Variants in MED27 observed in about 807,000 individuals in gnomAD.
The protein encoded by MED27 is mediator complex subunit 27.
In MED27, 30 loss-of-function variants were observed where a neutral mutation model predicts 38.2. That is an observed-to-expected ratio of 0.79 (90% confidence interval 0.59 to 1.07). The LOEUF is 1.07. Ranked by LOEUF, MED27 falls within the 50% of genes least tolerant of loss-of-function variation. The pLI is 0.00. For missense variants in MED27, 289 were observed against 397.5 expected (o/e 0.73, Z 2.32); for synonymous variants, 122 against 153.5 (o/e 0.79, Z 1.52).
intron 3 of MED27, among the ~76,000 whole-genome samples, chr9:131,940,921 T>C (rs771654745): frequency 3.3e-5 from 5 of 152,346 alleles, no homozygotes; most frequent in Admixed American, 2.0e-4. Context: ...ATTAAGGACT[T>C]AGCATGAGAA....
intron 3 of MED27, among the ~76,000 whole-genome samples, chr9:131,951,241 A>T (rs1000546129): frequency 1.1e-4 from 16 of 152,206 alleles, no homozygotes; most frequent in African/African-American, 3.9e-4. Context: ...TGCACACCAG[A>T]CAAGTGTCAT....
chr9:131,964,517 T>G (rs1228061745), intron 3 of MED27, among the ~76,000 whole-genome samples: 7 of 151,914 alleles, frequency 4.6e-5, no homozygotes, highest in Non-Finnish European at 1.0e-4. Context: ...AATGAAAATT[T>G]CAGCCACTAA....
At chr9:131,867,564 A>G (rs1414198209) in intron 6 of MED27, among the ~76,000 whole-genome samples, 2 of 152,224 alleles carry the variant, frequency 1.3e-5, no homozygotes, top group African/African-American at 4.8e-5. Flanking sequence ...CAGTGGTGGC[A>G]CAGCAAGTTC....
rs1830304566 is a variant in MED27, at chr9:131,917,054, A to G, written c.573+22327T>C. ...GGGTGCCATAGGCAGAAATGCAGGTACAAAGCATAAAAGCACCAGGCATGG... is the reference window on the plus strand; with the variant it reads ...GGGTGCCATAGGCAGAAATGCAGGTGCAAAGCATAAAAGCACCAGGCATGG... On this transcript the variant is annotated intron_variant, in intron 4 of 7. Coordinates refer to ENST00000292035, the MANE Select transcript of MED27 (RefSeq NM_004269.4). This position sits in a 1 kb window ranked among gnomAD's most constrained non-coding sequence, Gnocchi z 4.6. Among the ~76,000 whole-genome samples the G allele has an allele frequency of 6.6e-6, 1 of 152,230 alleles. No individual in the cohort carries two copies. Among genetic ancestry groups the G allele is most frequent in the South Asian group, 2.1e-4 (1 of 4,832 alleles).
At chr9:131,964,993 A>G (rs2131004286) in intron 3 of MED27, among the ~76,000 whole-genome samples, 1 of 152,344 alleles carries the variant, frequency 6.6e-6, no homozygotes, top group South Asian at 2.1e-4. Flanking sequence ...TACATTGTGT[A>G]TGCATTATGA....
At chr9:132,055,581 C>T (rs1390232725) in intron 2 of MED27, among the ~76,000 whole-genome samples, 3 of 152,176 alleles carry the variant, frequency 2.0e-5, no homozygotes, top group Admixed American at 6.5e-5. Flanking sequence ...ACACTGCAAA[C>T]CACAAATGAA....
At chr9:131,863,947 A>C (rs1299517328) in intron 6 of MED27, among the ~76,000 whole-genome samples, 1 of 152,130 alleles carries the variant, frequency 6.6e-6, no homozygotes, top group Non-Finnish European at 1.5e-5. Context: ...AAGCTCCAGC[A>C]CCACCCCCTG....
chr9:131,899,980 T>G (rs989084268), intron 4 of MED27, among the ~76,000 whole-genome samples: 1 of 152,232 alleles, frequency 6.6e-6, no homozygotes, highest in African/African-American at 2.4e-5. Flanking sequence ...GCAACTGCTA[T>G]AGGATACCAC....
intron 3 of MED27, among the ~76,000 whole-genome samples, chr9:131,976,825 T>A (rs1236822505): frequency 1.3e-5 from 2 of 152,204 alleles, no homozygotes; most frequent in African/African-American, 4.8e-5. Context: ...CTGTCTCTAA[T>A]CTACAACACT....
chr9:131,936,036 G>A (rs968216698), intron 4 of MED27, among the ~76,000 whole-genome samples: 4 of 151,892 alleles, frequency 2.6e-5, no homozygotes, highest in African/African-American at 9.7e-5. Flanking sequence ...AGGAGGCTGA[G>A]GTGGGAGGAT....
At chr9:131,924,757 C>T (rs920340771) in intron 4 of MED27, among the ~76,000 whole-genome samples, 1 of 152,142 alleles carries the variant, frequency 6.6e-6, no homozygotes, top group Non-Finnish European at 1.5e-5. Context: ...AGGGCTAGCT[C>T]CCTTGGTAGC....
intron 2 of MED27, among the ~76,000 whole-genome samples, chr9:132,076,829 C>T (rs532543705): frequency 6.6e-6 from 1 of 152,292 alleles, no homozygotes; most frequent in African/African-American, 2.4e-5. Context: ...TGTTATTTTT[C>T]AGCTACAGTT....
At chr9:131,990,682 T>C (rs947563627) in intron 3 of MED27, among the ~76,000 whole-genome samples, 3 of 152,166 alleles carry the variant, frequency 2.0e-5, no homozygotes, top group African/African-American at 7.2e-5. Flanking sequence ...CACCCTTGAC[T>C]CCATGCTCCA....
intron 3 of MED27, among the ~76,000 whole-genome samples, chr9:131,942,452 C>T (rs1473309437): frequency 2.0e-5 from 3 of 152,118 alleles, no homozygotes; most frequent in Non-Finnish European, 4.4e-5. Context: ...CAGTTTCTTC[C>T]GACTCAGCAG....
chr9:132,063,085 C>T lies in MED27; in HGVS notation c.348+14357G>A, dbSNP rs543316477. 2.6e-5 allele frequency among the ~76,000 whole-genome samples: 4 copies of T among 152,300 alleles called. No individual in the cohort carries two copies. In the East Asian group the frequency reaches 5.8e-4, roughly 22 times the overall value. ...GCCTGAAACAGGGTGGGAGTATTTG[C>T]TCATTCAGTTAGCAGCAAACTCATT... On this transcript the variant is annotated intron_variant, in intron 2 of 7. Coordinates refer to ENST00000292035, the MANE Select transcript of MED27 (RefSeq NM_004269.4).
intron 4 of MED27, among the ~76,000 whole-genome samples, chr9:131,900,454 T>A (rs766084849): frequency 6.6e-6 from 1 of 152,200 alleles, no homozygotes; most frequent in Non-Finnish European, 1.5e-5. Flanking sequence ...CTAACAAATC[T>A]GGTGGTTGAA....
At chr9:132,074,367 C>T (rs1014008694) in intron 2 of MED27, among the ~76,000 whole-genome samples, 15 of 152,122 alleles carry the variant, frequency 9.9e-5, no homozygotes, top group African/African-American at 3.6e-4. Context: ...TAGGCATGAA[C>T]GAGACTTTTC....
At chr9:132,079,444 CAGG>C (rs1379472322) in intron 1 of MED27, among the ~76,000 whole-genome samples, 195 bp downstream of exon 1, 8 of 152,076 alleles carry the variant, frequency 5.3e-5, no homozygotes, top group Admixed American at 2.0e-4. Context: ...ACCAGGAGGC[CAGG>C]AGAAGCAAGA....
chr9:132,016,000 G>A (rs1832593954), intron 2 of MED27, among the ~76,000 whole-genome samples: 1 of 152,130 alleles, frequency 6.6e-6, no homozygotes, highest in African/African-American at 2.4e-5. Flanking sequence ...TCATTCTAAA[G>A]CTCTGAATCA....
Sources: gnomAD v4.1 joint callset for allele counts (sites outside exome capture counted in the v4.1 genomes callset) on GRCh38, gnomAD v4.1.1 for gene constraint, Gnocchi (gnomAD v3.1) non-coding constraint, MANE v1.5 for transcripts, NCBI Gene and HGNC (gene_info 2026-07-23, HGNC 2026-07-21) for gene names.